Variants in TFEC observed in about 807,000 individuals in gnomAD.
TFEC encodes transcription factor EC, also known as class E basic helix-loop-helix protein 34.
A neutral mutation model predicts 41.6 loss-of-function variants in TFEC; 31 were observed. The ratio of observed to expected loss-of-function variants is 0.74; its 90% CI spans 0.56 to 1.01. The LOEUF is 1.01. Ranked by LOEUF, TFEC falls within the 50% of genes least tolerant of loss-of-function variation. The pLI is 0.00. For missense variants in TFEC, 402 were observed against 404.1 expected (o/e 0.99, Z 0.04); for synonymous variants, 143 against 140.6 (o/e 1.02, Z -0.12).
upstream of TFEC, among the ~76,000 whole-genome samples, chr7:116,033,616 TATGTC>T (rs1795839161): frequency 6.6e-6 from 1 of 152,102 alleles, no homozygotes; most frequent in East Asian, 1.9e-4. Flanking sequence ...AGATGAATTA[TATGTC>T]ATCTTATGCA....
intron 1 of TFEC, among the ~76,000 whole-genome samples, chr7:116,012,080 A>G (rs888376986): frequency 1.4e-4 from 21 of 152,206 alleles, no homozygotes; most frequent in African/African-American, 4.8e-4. Context: ...GTATTTAAAT[A>G]AGTTAATATT....
In TFEC at chr7:115,939,482, G is replaced by A. The variant is rs1253028384; in HGVS notation, c.*1069C>T. ...TTCCTCTCAGAACTGAAAATAATAA[G>A]AAATAGTTTGTTGTAATAATTATTT... On this transcript the variant is annotated 3_prime_UTR_variant, in exon 8 of 8. Transcript: ENST00000265440. 1 of 151,946 alleles carries A rather than the reference G, an allele frequency of 6.6e-6. No homozygotes were observed. Among genetic ancestry groups the A allele is most frequent in the Non-Finnish European group, 1.5e-5 (1 of 67,932 alleles). The allele number at this position is 151,946 out of a possible 1,614,324, so 9.4% of individuals were successfully genotyped here. A position where few individuals can be genotyped will look rare whatever the true frequency, so the allele number is the denominator to read the frequency against.
intron 3 of TFEC, among the ~76,000 whole-genome samples, chr7:116,098,782 T>C (rs746323321): frequency 1.3e-5 from 2 of 150,908 alleles, no homozygotes; most frequent in Non-Finnish European, 2.9e-5. Flanking sequence ...TCCCAACTTA[T>C]GTTATGAGAT....
intron 3 of TFEC, among the ~76,000 whole-genome samples, chr7:116,073,697 C>A (rs983193382): frequency 9.2e-5 from 14 of 151,836 alleles, no homozygotes; most frequent in African/African-American, 3.1e-4. Flanking sequence ...AAAAGAACAG[C>A]TAAAAACTGA....
intron 3 of TFEC, among the ~76,000 whole-genome samples, chr7:116,090,112 C>G (rs117012272): frequency 6.6e-6 from 1 of 152,320 alleles, no homozygotes; most frequent in Non-Finnish European, 1.5e-5. Context: ...ACTACCTTTG[C>G]AAATCCCCAC....
chr7:116,026,423 G>T (rs897042788), intron 1 of TFEC, among the ~76,000 whole-genome samples: 3 of 152,156 alleles, frequency 2.0e-5, no homozygotes, highest in Non-Finnish European at 4.4e-5. Context: ...TGCCTGAACT[G>T]CTCACTGGCA....
intron 1 of TFEC, among the ~76,000 whole-genome samples, chr7:115,997,813 G>A (rs553858638): frequency 2.6e-5 from 4 of 152,210 alleles, no homozygotes; most frequent in African/African-American, 9.6e-5. Flanking sequence ...GCATGCTGAA[G>A]AACGCATCAG....
intron 3 of TFEC, among the ~76,000 whole-genome samples, chr7:116,087,343 T>G (rs149715903): frequency 8.2e-4 from 125 of 152,174 alleles, no homozygotes; most frequent in South Asian, 1.7e-3. Context: ...AATTATCACA[T>G]TTAATATTTA....
chr7:116,031,451 C>T (rs1795780459), upstream of TFEC, among the ~76,000 whole-genome samples: 1 of 152,068 alleles, frequency 6.6e-6, no homozygotes, highest in East Asian at 1.9e-4. Flanking sequence ...TAAAAGAGGT[C>T]TCATTTCATG....
intron 1 of TFEC, among the ~76,000 whole-genome samples, chr7:116,136,243 T>C (rs571788706): frequency 2.6e-5 from 4 of 152,058 alleles, no homozygotes; most frequent in Non-Finnish European, 5.9e-5. Context: ...GGCAGTAATA[T>C]TATGAACTCT....
In TFEC at chr7:116,030,633, C is replaced by T; in HGVS notation, c.-73G>A. On this transcript the variant is annotated splice_region_variant and 5_prime_UTR_variant, in exon 1 of 8. The change creates a premature stop within an existing upstream ORF in the 5' untranslated region. Transcript: ENST00000265440. ...TTAACCTGCCGGTTTAGTTACCTAC[C>T]AGCAATGAGTGGATTTTATCAGTGT... 1.0e-6 allele frequency: 1 copy of T among 985,348 alleles called. No individual in the cohort carries two copies. Among genetic ancestry groups the T allele is most frequent in the East Asian group, 1.1e-4 (1 of 8,818 alleles). The allele number at this position is 985,348 out of a possible 1,614,324, so 61.0% of individuals were successfully genotyped here.
chr7:116,018,115 AT>A (rs929287271), intron 1 of TFEC, among the ~76,000 whole-genome samples: 2 of 152,220 alleles, frequency 1.3e-5, no homozygotes, highest in Admixed American at 6.6e-5. Flanking sequence ...CCTATTGCAC[AT>A]GTTTTACATG....
intron 1 of TFEC, among the ~76,000 whole-genome samples, chr7:116,155,503 A>G (rs984419895): frequency 2.6e-5 from 4 of 152,106 alleles, no homozygotes; most frequent in Non-Finnish European, 4.4e-5. Flanking sequence ...TTTTGTTTTT[A>G]AAGTTGATCC....
intron 1 of TFEC, among the ~76,000 whole-genome samples, chr7:116,122,471 A>G (rs1386949275): frequency 6.6e-6 from 1 of 152,064 alleles, no homozygotes; most frequent in East Asian, 1.9e-4. Context: ...AAAGATTTCC[A>G]TGGAAACATG....
chr7:115,993,088 A>C (rs905904767), intron 1 of TFEC, among the ~76,000 whole-genome samples: 7 of 152,240 alleles, frequency 4.6e-5, no homozygotes, highest in Non-Finnish European at 1.0e-4. Context: ...TCATATAAAC[A>C]GAACCAAAGA....
At chr7:115,956,402 T>C (rs1792228177) in intron 4 of TFEC, among the ~76,000 whole-genome samples, 1 of 151,944 alleles carries the variant, frequency 6.6e-6, no homozygotes, top group Admixed American at 6.6e-5. Flanking sequence ...CTTTTATATA[T>C]GTATGTATAT....
chr7:116,124,750 TC>T (rs947227913), intron 1 of TFEC, among the ~76,000 whole-genome samples: 2 of 152,082 alleles, frequency 1.3e-5, no homozygotes, highest in African/African-American at 4.8e-5. Flanking sequence ...ATGTAAATTT[TC>T]CCCCAATTTT....
chr7:115,964,999 G>C (rs1792771234), intron 3 of TFEC, among the ~76,000 whole-genome samples: 1 of 151,550 alleles, frequency 6.6e-6, no homozygotes, highest in Non-Finnish European at 1.5e-5. Flanking sequence ...TAAGGCCATT[G>C]TTGTCAAGTG....
chr7:115,995,413 A>T (rs1309480267), intron 1 of TFEC, among the ~76,000 whole-genome samples: 1 of 152,220 alleles, frequency 6.6e-6, no homozygotes, highest in Non-Finnish European at 1.5e-5. Flanking sequence ...ACATATATAT[A>T]TGCTTACGTA....
Sources: gnomAD v4.1 joint callset for allele counts (sites outside exome capture counted in the v4.1 genomes callset) on GRCh38, gnomAD v4.1.1 for gene constraint, MANE v1.5 for transcripts, NCBI Gene and HGNC (gene_info 2026-07-23, HGNC 2026-07-21) for gene names.